Variants in ADAMTSL1 observed in about 807,000 individuals in gnomAD.
ADAMTSL1 encodes ADAMTS like 1.
A neutral mutation model predicts 201.8 loss-of-function variants in ADAMTSL1; 126 were observed. The observed-to-expected ratio is 0.62, with a 90% CI of 0.54 to 0.72. ADAMTSL1 has a LOEUF of 0.72. ADAMTSL1 is among the 30% of genes least tolerant of loss of function. ADAMTSL1 has a pLI of 0.00. For missense variants in ADAMTSL1, 2,679 were observed against 2,277.8 expected (o/e 1.18, Z -3.59); for synonymous variants, 1,121 against 903.4 (o/e 1.24, Z -4.32).
At chr9:18,406,289 T>TTTTC (rs1818190417) in intron 2 of ADAMTSL1, among the ~76,000 whole-genome samples, 31 of 117,488 alleles carry the variant, frequency 2.6e-4, no homozygotes, top group African/African-American at 1.1e-3. Flanking sequence ...ATAAGACAGT[T>TTTTC]TTTTCTTTTC....
intron 10 of ADAMTSL1, among the ~76,000 whole-genome samples, chr9:18,678,280 G>A (rs989151337): frequency 8.5e-5 from 13 of 152,048 alleles, no homozygotes; most frequent in African/African-American, 3.1e-4. Context: ...AAGATTCTTG[G>A]ATATGTCTTT....
chr9:18,657,461 G>C (rs1197284828), intron 7 of ADAMTSL1, among the ~76,000 whole-genome samples, 178 bp from the exon 8 acceptor site: 1 of 152,172 alleles, frequency 6.6e-6, no homozygotes, highest in African/African-American at 2.4e-5. Flanking sequence ...CTTATGCAAG[G>C]ACCATTCACT....
At chr9:18,099,648 T>C (rs888716182) in intron 1 of ADAMTSL1, among the ~76,000 whole-genome samples, 5 of 148,710 alleles carry the variant, frequency 3.4e-5, no homozygotes, top group African/African-American at 1.2e-4. Context: ...TTTTTTTTTT[T>C]TTTTCTTGAG....
chr9:17,953,643 T>C (rs1289970080), intron 1 of ADAMTSL1, among the ~76,000 whole-genome samples: 1 of 152,160 alleles, frequency 6.6e-6, no homozygotes, highest in African/African-American at 2.4e-5. Context: ...TTTAGAAACA[T>C]ATAACATTAA....
chr9:18,439,438 C>T (rs1387817034), intron 2 of ADAMTSL1, among the ~76,000 whole-genome samples: 1 of 152,204 alleles, frequency 6.6e-6, no homozygotes, highest in Admixed American at 6.5e-5. Context: ...GCAATCTTAT[C>T]TCACTGCAAT....
intron 2 of ADAMTSL1, among the ~76,000 whole-genome samples, chr9:18,403,852 T>C (rs1374144688): frequency 6.6e-6 from 1 of 152,192 alleles, no homozygotes; most frequent in Non-Finnish European, 1.5e-5. Context: ...TTTAAATCAA[T>C]ATTCTTATGG....
At chr9:17,939,062 GT>G (rs1161968396) in intron 1 of ADAMTSL1, among the ~76,000 whole-genome samples, 16 of 152,056 alleles carry the variant, frequency 1.1e-4, no homozygotes, top group Non-Finnish European at 1.9e-4. Context: ...ATATCCATTG[GT>G]TTTTTGCCAC....
chr9:18,026,826 A>G (rs745342831), intron 1 of ADAMTSL1, among the ~76,000 whole-genome samples: 1 of 152,008 alleles, frequency 6.6e-6, no homozygotes, highest in Non-Finnish European at 1.5e-5. Flanking sequence ...CTGTGAATCC[A>G]TCTTGTCCAG....
chr9:18,743,622 C>T, intron 15 of ADAMTSL1, among the ~76,000 whole-genome samples: 1 of 152,166 alleles, frequency 6.6e-6, no homozygotes, highest in African/African-American at 2.4e-5. Context: ...CAAAACCTCA[C>T]AGCGTGCAGG....
intron 1 of ADAMTSL1, among the ~76,000 whole-genome samples, chr9:18,112,470 A>T (rs527526645): frequency 6.0e-5 from 9 of 151,170 alleles, no homozygotes; most frequent in African/African-American, 2.2e-4. Flanking sequence ...ACTCACAAAT[A>T]TACCCATTTT....
chr9:18,803,320 A>T (rs919611842), intron 20 of ADAMTSL1, among the ~76,000 whole-genome samples: 2 of 152,184 alleles, frequency 1.3e-5, no homozygotes, highest in African/African-American at 4.8e-5. Context: ...AAGCCACTGA[A>T]TTCCTTGGCT....
intron 1 of ADAMTSL1, among the ~76,000 whole-genome samples, chr9:18,058,999 AT>A (rs1006389341): frequency 1.2e-4 from 19 of 152,334 alleles, no homozygotes; most frequent in African/African-American, 4.1e-4. Context: ...GCACATTCTC[AT>A]TTAAGCCTAA....
chr9:18,341,742 T>G (rs1217111097), intron 2 of ADAMTSL1, among the ~76,000 whole-genome samples: 1 of 152,114 alleles, frequency 6.6e-6, no homozygotes. Flanking sequence ...TTCATTATAG[T>G]TTTATATAAC....
intron 2 of ADAMTSL1, among the ~76,000 whole-genome samples, chr9:18,390,246 A>G (rs1225237539): frequency 6.6e-6 from 1 of 152,174 alleles, no homozygotes; most frequent in African/African-American, 2.4e-5. Context: ...GCTTGAGAAA[A>G]GCAAACCATT....
At chr9:18,600,950 A>T (rs61577503) in intron 4 of ADAMTSL1, among the ~76,000 whole-genome samples, 3,040 of 152,252 alleles carry the variant, frequency 0.02, 51 homozygotes, top group East Asian at 0.086. Flanking sequence ...TTTAAAGCCT[A>T]CTGCTTTTCA....
At chr9:18,887,451 C>G (rs1828969389) in intron 23 of ADAMTSL1, among the ~76,000 whole-genome samples, 1 of 151,928 alleles carries the variant, frequency 6.6e-6, no homozygotes, top group African/African-American at 2.4e-5. Context: ...GGTATTTTTT[C>G]CCAACATATC....
intron 1 of ADAMTSL1, among the ~76,000 whole-genome samples, chr9:18,009,177 C>T (rs1819951220): frequency 6.6e-6 from 1 of 151,982 alleles, no homozygotes; most frequent in Non-Finnish European, 1.5e-5. Flanking sequence ...TTTCTCCTCC[C>T]CAATGTTGCA....
chr9:18,671,937 C>G (rs191133703), intron 9 of ADAMTSL1, among the ~76,000 whole-genome samples: 2 of 151,766 alleles, frequency 1.3e-5, no homozygotes, highest in East Asian at 3.9e-4. Context: ...CTCAGGAGGC[C>G]GAGGCAGGAG....
chr9:18,593,201 C>G (rs1269182467), intron 4 of ADAMTSL1, among the ~76,000 whole-genome samples: 1 of 151,972 alleles, frequency 6.6e-6, no homozygotes, highest in African/African-American at 2.4e-5. Flanking sequence ...TTTGGAAACC[C>G]TTTATTTCTT....
Sources: allele counts gnomAD v4.1 joint callset (sites outside exome capture counted in the v4.1 genomes callset), GRCh38; gene constraint gnomAD v4.1.1; transcripts MANE v1.5; gene names NCBI Gene and HGNC (gene_info 2026-07-23, HGNC 2026-07-21).